The following DNAH7 variants were observed in gnomAD, a reference collection of about 807,000 sequenced individuals.
DNAH7 encodes axonemal beta dynein heavy chain 7.
Under a neutral mutation model 444.6 loss-of-function variants are expected in DNAH7, and 397 were observed. The ratio of observed to expected loss-of-function variants is 0.89; its 90% CI spans 0.82 to 0.97. The LOEUF is 0.97. Ranked by LOEUF, DNAH7 falls within the 50% of genes least tolerant of loss-of-function variation. DNAH7 has a pLI of 0.00. For missense variants in DNAH7, 4,902 were observed against 4,800.8 expected, an observed-to-expected ratio of 1.02 and a Z score of -0.62; for synonymous variants, 1,636 against 1,624.4, an observed-to-expected ratio of 1.01 and a Z score of -0.17.
intron 5 of DNAH7, among the ~76,000 whole-genome samples, chr2:196,043,632 G>C (rs113444676): frequency 4.7e-4 from 72 of 152,136 alleles, no homozygotes; most frequent in African/African-American, 1.7e-3. Flanking sequence ...AGACAACCCA[G>C]AGTGGGAGAA....
intron 17 of DNAH7, among the ~76,000 whole-genome samples, chr2:195,963,033 C>T (rs1365353167): frequency 6.6e-6 from 1 of 152,190 alleles, no homozygotes; most frequent in African/African-American, 2.4e-5. Context: ...GACACTTAGG[C>T]TTCCAAATCT....
At chr2:195,948,326 T>G (rs1260060396) in intron 19 of DNAH7, among the ~76,000 whole-genome samples, 1 of 152,248 alleles carries the variant, frequency 6.6e-6, no homozygotes, top group Non-Finnish European at 1.5e-5. Flanking sequence ...TTGGCTTGTG[T>G]TGCCATTGCT....
Position 195,897,097 on chromosome 2 carries a change from A to G in DNAH7, c.4647+570T>C, listed in dbSNP as rs570960102. Among the ~76,000 whole-genome samples, 8 of 152,294 alleles carry G rather than the reference A, an allele frequency of 5.3e-5. No homozygotes were observed. The South Asian group carries it at 1.7e-3, about 32-fold the overall frequency. On this transcript the variant is annotated intron_variant, in intron 29 of 64. Transcript: ENST00000312428. ...ACTCACTACCCCTCTGAGTTCTTCT[A>G]CCTGGTATGGAGAAGAGGAAAAGAA...
chr2:195,923,999 T>C (rs963401884), intron 22 of DNAH7, among the ~76,000 whole-genome samples, 192 bp from the exon 23 acceptor site: 10 of 152,188 alleles, frequency 6.6e-5, no homozygotes, highest in African/African-American at 2.2e-4. Flanking sequence ...AGGCCACGTA[T>C]AATGGATATA....
At chr2:195,951,444 T>A (rs899301472) in intron 19 of DNAH7, among the ~76,000 whole-genome samples, 1 of 152,190 alleles carries the variant, frequency 6.6e-6, no homozygotes, top group Admixed American at 6.5e-5. Context: ...ATTCTGCAGA[T>A]GTCTACTAGC....
intron 52 of DNAH7, 84 bp from the exon 53 acceptor site, chr2:195,808,960 T>C (rs1368603658): frequency 3.3e-6 from 4 of 1,196,936 alleles, no homozygotes; most frequent in Non-Finnish European, 1.2e-6. Flanking sequence ...AAGAGTTGAG[T>C]GTTGACTTCC....
At chr2:195,954,935 G>C (rs2125500475) in intron 19 of DNAH7, among the ~76,000 whole-genome samples, 1 of 152,272 alleles carries the variant, frequency 6.6e-6, no homozygotes, top group Middle Eastern at 3.4e-3. Flanking sequence ...CCCTTTGTCA[G>C]ATGGGTAGAT....
chr2:195,985,054 C>A lies in DNAH7; in HGVS notation c.1755-344G>T, dbSNP rs528975448. On this transcript the variant is annotated intron_variant, in intron 14 of 64. Coordinates refer to ENST00000312428, the MANE Select transcript of DNAH7 (RefSeq NM_018897.3). ...TCTAAGAGAGATTTAGTTGAGATGG[C>A]ACAAAGAAAGTAGTACAAAGGAAAG... Among the ~76,000 whole-genome samples the A allele has an allele frequency of 2.4e-4, 36 of 152,118 alleles. No individual in the cohort carries two copies. In the East Asian group the frequency reaches 6.9e-3, roughly 29 times the overall value.
intron 19 of DNAH7, among the ~76,000 whole-genome samples, chr2:195,944,237 C>T (rs902802036): frequency 5.3e-5 from 8 of 152,062 alleles, no homozygotes; most frequent in Middle Eastern, 3.2e-3. Flanking sequence ...CAAGCATATG[C>T]GGCACAAACA....
chr2:195,989,317 G>A (rs1284786046), intron 12 of DNAH7, among the ~76,000 whole-genome samples: 2 of 152,072 alleles, frequency 1.3e-5, no homozygotes, highest in Non-Finnish European at 2.9e-5. Flanking sequence ...AGTGTGTAGG[G>A]GTTCCCTTTT....
chr2:196,066,365 G>A (rs1466302135), intron 1 of DNAH7, among the ~76,000 whole-genome samples: 1 of 152,102 alleles, frequency 6.6e-6, no homozygotes, highest in South Asian at 2.1e-4. Flanking sequence ...CCCTTTTTAA[G>A]CAATGACATT....
At chr2:195,771,933 T>A (rs371469008) in intron 60 of DNAH7, 43 bp from the exon 61 acceptor site, 37 of 1,532,006 alleles carry the variant, frequency 2.4e-5, no homozygotes, top group Non-Finnish European at 3.6e-6. Flanking sequence ...CTCATAAAGG[T>A]CTAACAATAG....
chr2:195,757,930 A>G (rs1413743034), intron 61 of DNAH7, among the ~76,000 whole-genome samples: 1 of 152,240 alleles, frequency 6.6e-6, no homozygotes, highest in Non-Finnish European at 1.5e-5. Flanking sequence ...TCTGGAGAGG[A>G]AAATGCAGAA....
chr2:196,020,495 T>C (rs1477719976), intron 8 of DNAH7, among the ~76,000 whole-genome samples: 8 of 152,196 alleles, frequency 5.3e-5, no homozygotes, highest in Non-Finnish European at 1.0e-4. Flanking sequence ...TTTGCAATTA[T>C]GAAGGATGAT....
chr2:195,801,532 G>A (rs1221462537), intron 54 of DNAH7, among the ~76,000 whole-genome samples: 5 of 152,016 alleles, frequency 3.3e-5, no homozygotes, highest in East Asian at 1.9e-4. Flanking sequence ...GCACCACCCC[G>A]ACTGAATAGC....
intron 53 of DNAH7, among the ~76,000 whole-genome samples, chr2:195,807,264 C>G (rs1301468499): frequency 6.6e-6 from 1 of 151,846 alleles, no homozygotes; most frequent in Non-Finnish European, 1.5e-5. Flanking sequence ...TCAAGCAATT[C>G]TCCTGCCTCA....
chr2:196,013,667 C>T (rs556718090), intron 9 of DNAH7, among the ~76,000 whole-genome samples: 1 of 152,074 alleles, frequency 6.6e-6, no homozygotes, highest in Non-Finnish European at 1.5e-5. Flanking sequence ...TAATGTACTC[C>T]GTACATGACA....
At chr2:195,799,201 A>G (rs1696324464) in intron 55 of DNAH7, 95 bp downstream of exon 55, 1 of 1,138,192 alleles carries the variant, frequency 8.8e-7, no homozygotes, top group African/African-American at 1.6e-5. Flanking sequence ...GTTGAATGAC[A>G]AATTTCTACC....
chr2:196,051,817 C>T (rs964807992), intron 2 of DNAH7, among the ~76,000 whole-genome samples: 11 of 152,032 alleles, frequency 7.2e-5, no homozygotes, highest in Non-Finnish European at 1.6e-4. Flanking sequence ...GAACTACTGA[C>T]ACTCACCAAT....
Sources: gnomAD v4.1 joint callset for allele counts (sites outside exome capture counted in the v4.1 genomes callset) on GRCh38, gnomAD v4.1.1 for gene constraint, MANE v1.5 for transcripts, NCBI Gene and HGNC (gene_info 2026-07-23, HGNC 2026-07-21) for gene names.